MBD5: variants seen among roughly 807,000 people sequenced by gnomAD.
The protein encoded by MBD5 is methyl-CpG-binding domain protein 5.
In MBD5, 13 loss-of-function variants were observed where a neutral mutation model predicts 117.3. The observed-to-expected ratio is 0.11, with a 90% CI of 0.07 to 0.18. MBD5 has a LOEUF of 0.18. Ranked by LOEUF, MBD5 falls within the 10% of genes least tolerant of loss-of-function variation. The pLI, the probability that MBD5 is intolerant of heterozygous loss-of-function variation, is 1.00. For synonymous variants in MBD5, 727 were observed against 766.4 expected (o/e 0.95, Z 0.85); for missense variants, 1,879 against 2,093.8 (o/e 0.90, Z 2.00).
chr2:148,123,367 G>C (rs114941558), intron 1 of MBD5, among the ~76,000 whole-genome samples: 2,013 of 152,306 alleles, frequency 0.013, 31 homozygotes, highest in African/African-American at 0.046. Context: ...ATGGGACCTT[G>C]AAAGATGGGG....
intron 5 of MBD5, 125 bp downstream of exon 5, chr2:148,458,996 T>C: frequency 1.3e-6 from 1 of 792,316 alleles, no homozygotes; most frequent in Admixed American, 2.0e-5. Context: ...GCTAGAAACA[T>C]ATGAGAATTT....
chr2:148,231,073 C>G (rs896478727), intron 2 of MBD5, among the ~76,000 whole-genome samples: 3 of 152,072 alleles, frequency 2.0e-5, no homozygotes, highest in Non-Finnish European at 2.9e-5. Context: ...AGTCACATAC[C>G]CCCCTCCTCC....
intron 3 of MBD5, among the ~76,000 whole-genome samples, chr2:148,290,558 T>C (rs10181462): frequency 0.012 from 1,885 of 152,264 alleles, 36 homozygotes; most frequent in African/African-American, 0.043. Context: ...GACTTATCAA[T>C]ACTAAGCCAT....
chr2:148,127,271 G>A (rs1325815308), intron 1 of MBD5, among the ~76,000 whole-genome samples: 1 of 152,078 alleles, frequency 6.6e-6, no homozygotes, highest in Non-Finnish European at 1.5e-5. Flanking sequence ...ACTTGCGCAG[G>A]ATATGCAGGT....
intron 8 of MBD5, among the ~76,000 whole-genome samples, chr2:148,479,410 C>T (rs961233421): frequency 2.0e-5 from 3 of 152,160 alleles, no homozygotes; most frequent in South Asian, 2.1e-4. Context: ...TACTTCTAAA[C>T]GTTGAGTGCA....
intron 1 of MBD5, among the ~76,000 whole-genome samples, chr2:148,036,275 A>G (rs1694193395): frequency 6.6e-6 from 1 of 152,146 alleles, no homozygotes; most frequent in African/African-American, 2.4e-5. Flanking sequence ...AACATATTCC[A>G]TGTGCCAATG....
intron 4 of MBD5, among the ~76,000 whole-genome samples, chr2:148,456,029 C>T (rs931882613): frequency 1.2e-4 from 18 of 152,226 alleles, no homozygotes; most frequent in African/African-American, 4.1e-4. Context: ...GGGATTGACC[C>T]GTCCTAACTT....
At chr2:148,384,840 T>C (rs1487020557) in intron 4 of MBD5, among the ~76,000 whole-genome samples, 1 of 151,628 alleles carries the variant, frequency 6.6e-6, no homozygotes, top group Admixed American at 6.6e-5. Flanking sequence ...TTGACAAACC[T>C]GAGAAAAACA....
intron 3 of MBD5, among the ~76,000 whole-genome samples, chr2:148,280,960 T>C (rs1376908934): frequency 6.6e-6 from 1 of 152,220 alleles, no homozygotes; most frequent in African/African-American, 2.4e-5. Flanking sequence ...TTAACTATTG[T>C]TACTTTACAG....
intron 3 of MBD5, among the ~76,000 whole-genome samples, chr2:148,337,934 T>G (rs1333975477): frequency 2.6e-5 from 4 of 152,196 alleles, no homozygotes; most frequent in African/African-American, 9.6e-5. Flanking sequence ...AGTAGGCAGA[T>G]GGTCTGAGTC....
chr2:148,087,918 CA>C (rs984505805), intron 1 of MBD5, among the ~76,000 whole-genome samples: 20 of 151,456 alleles, frequency 1.3e-4, no homozygotes, highest in African/African-American at 4.4e-4. Flanking sequence ...TTAAGCTATT[CA>C]AAGAGATACC....
intron 7 of MBD5, among the ~76,000 whole-genome samples, chr2:148,465,180 G>T (rs1281338840): frequency 1.3e-5 from 2 of 152,082 alleles, no homozygotes; most frequent in Non-Finnish European, 2.9e-5. Flanking sequence ...AACACATTTT[G>T]CTAGGAATAC....
intron 3 of MBD5, among the ~76,000 whole-genome samples, chr2:148,303,590 A>G (rs1301895908): frequency 6.6e-6 from 1 of 152,266 alleles, no homozygotes; most frequent in Non-Finnish European, 1.5e-5. Flanking sequence ...ATGAATAAGA[A>G]AAAATAAAAG....
intron 2 of MBD5, among the ~76,000 whole-genome samples, chr2:148,196,007 G>A (rs547616369): frequency 6.6e-6 from 1 of 152,196 alleles, no homozygotes; most frequent in East Asian, 1.9e-4. Context: ...ATAGCAGGTG[G>A]GAGATCTTGA....
chr2:148,377,010 A>T (rs1704011329), intron 4 of MBD5, among the ~76,000 whole-genome samples: 1 of 149,896 alleles, frequency 6.7e-6, no homozygotes, highest in Admixed American at 6.7e-5. Flanking sequence ...GGATATATAT[A>T]TATATGGGAT....
chr2:148,086,088 A>C (rs1245090323), intron 1 of MBD5, among the ~76,000 whole-genome samples: 2 of 152,128 alleles, frequency 1.3e-5, no homozygotes, highest in Non-Finnish European at 2.9e-5. Context: ...GTGCTGCCTC[A>C]GTCACTTCTG....
intron 1 of MBD5, among the ~76,000 whole-genome samples, chr2:148,032,697 T>A (rs1442627831): frequency 1.3e-5 from 2 of 152,162 alleles, no homozygotes; most frequent in African/African-American, 4.8e-5. Context: ...GTTCCTTAGG[T>A]TTAACAAGAA....
intron 2 of MBD5, among the ~76,000 whole-genome samples, chr2:148,221,476 T>G (rs980704810): frequency 6.6e-6 from 1 of 152,180 alleles, no homozygotes; most frequent in African/African-American, 2.4e-5. Flanking sequence ...TGAGATGATA[T>G]CTCATTGTAG....
intron 1 of MBD5, among the ~76,000 whole-genome samples, chr2:148,151,929 TC>T (rs1697684377): frequency 6.6e-6 from 1 of 151,964 alleles, no homozygotes; most frequent in Non-Finnish European, 1.5e-5. Context: ...GTTTTTTGTG[TC>T]TCTCTTTCCT....
Sources: allele counts gnomAD v4.1 joint callset (sites outside exome capture counted in the v4.1 genomes callset), GRCh38; gene constraint gnomAD v4.1.1; transcripts MANE v1.5; gene names NCBI Gene and HGNC (gene_info 2026-07-23, HGNC 2026-07-21).